ADARB2: variants seen among roughly 807,000 people sequenced by gnomAD.
The protein encoded by ADARB2 is adenosine deaminase RNA specific B2 (inactive), also known as inactive double-stranded RNA-specific editase B2.
A neutral mutation model predicts 62.2 loss-of-function variants in ADARB2; 25 were observed. That is an observed-to-expected ratio of 0.40 (90% CI 0.29 to 0.56). ADARB2 has a LOEUF of 0.56. ADARB2 is among the 20% of genes least tolerant of loss of function. The pLI is 0.43. For synonymous variants in ADARB2, 572 were observed against 500.8 expected (o/e 1.14, Z -1.90); for missense variants, 1,071 against 1,077.4 (o/e 0.99, Z 0.08).
chr10:1,347,982 A>G (rs1470576047), intron 3 of ADARB2, among the ~76,000 whole-genome samples: 1 of 151,964 alleles, frequency 6.6e-6, no homozygotes, highest in Non-Finnish European at 1.5e-5. Flanking sequence ...ACGGAGACAG[A>G]GAGATACTGA....
At chr10:1,706,232 G>T (rs1424078495) in intron 1 of ADARB2, among the ~76,000 whole-genome samples, 1 of 152,206 alleles carries the variant, frequency 6.6e-6, no homozygotes, top group Non-Finnish European at 1.5e-5. Context: ...CTCCTGAGTA[G>T]AGCTTGACTA....
At chr10:1,614,741 C>T (rs1481628502) in intron 1 of ADARB2, among the ~76,000 whole-genome samples, 1 of 152,186 alleles carries the variant, frequency 6.6e-6, no homozygotes, top group African/African-American at 2.4e-5. Flanking sequence ...GAAACCCCGT[C>T]TCTACTAAAG....
At chr10:1,411,174 C>T (rs941928177) in intron 1 of ADARB2, among the ~76,000 whole-genome samples, 7 of 152,106 alleles carry the variant, frequency 4.6e-5, no homozygotes, top group African/African-American at 1.7e-4. Context: ...GAGATGCCTC[C>T]CCAGCCTCCG....
chr10:1,572,122 GGCAGGTGAGTGT>G (rs1220479428), intron 1 of ADARB2, among the ~76,000 whole-genome samples: 3 of 132,732 alleles, frequency 2.3e-5, no homozygotes, highest in Non-Finnish European at 4.8e-5. Flanking sequence ...CAGGTGAGTA[GGCAGGTGAGTGT>G]GCAGGTGAGT....
intron 1 of ADARB2, among the ~76,000 whole-genome samples, chr10:1,582,268 G>A (rs1310022869): frequency 2.0e-5 from 3 of 152,140 alleles, no homozygotes; most frequent in Admixed American, 6.5e-5. Flanking sequence ...GTGACCCTGC[G>A]TTACCTGCTG....
chr10:1,331,601 C>A (rs1831928273), intron 3 of ADARB2, among the ~76,000 whole-genome samples: 1 of 152,154 alleles, frequency 6.6e-6, no homozygotes, highest in South Asian at 2.1e-4. Flanking sequence ...AAAATGCTAA[C>A]AGGTTTGTTG....
chr10:1,487,386 G>T (rs1207179775), intron 1 of ADARB2, among the ~76,000 whole-genome samples: 1 of 152,194 alleles, frequency 6.6e-6, no homozygotes, highest in Non-Finnish European at 1.5e-5. Context: ...ACAGAATTTG[G>T]CAAGATAAGC....
At chr10:1,632,892 G>A (rs1286520608) in intron 1 of ADARB2, among the ~76,000 whole-genome samples, 1 of 152,208 alleles carries the variant, frequency 6.6e-6, no homozygotes, top group Non-Finnish European at 1.5e-5. Flanking sequence ...CTGGGAGGAT[G>A]TTTCTGGAAG....
intron 1 of ADARB2, among the ~76,000 whole-genome samples, chr10:1,512,064 C>T (rs542624464): frequency 6.6e-6 from 1 of 152,028 alleles, no homozygotes; most frequent in Non-Finnish European, 1.5e-5. Flanking sequence ...ATGCTGTCTA[C>T]ACTGTATACC....
chr10:1,404,425 G>T (rs1832689205), intron 1 of ADARB2, among the ~76,000 whole-genome samples: 1 of 152,240 alleles, frequency 6.6e-6, no homozygotes, highest in African/African-American at 2.4e-5. Flanking sequence ...CTGCCCATTT[G>T]CCGGCTGCCA....
chr10:1,489,968 G>C (rs1368715437), intron 1 of ADARB2, among the ~76,000 whole-genome samples: 2 of 152,218 alleles, frequency 1.3e-5, no homozygotes, highest in African/African-American at 4.8e-5. Context: ...TAGGCAAGCT[G>C]CTGCTACAGG....
chr10:1,301,931 C>T (rs988274375), intron 3 of ADARB2, among the ~76,000 whole-genome samples: 6 of 152,210 alleles, frequency 3.9e-5, no homozygotes, highest in African/African-American at 7.2e-5. Flanking sequence ...TCACTACCAC[C>T]TGGAGCCCAC....
At chr10:1,595,651 G>A (rs1218337251) in intron 1 of ADARB2, among the ~76,000 whole-genome samples, 1 of 152,194 alleles carries the variant, frequency 6.6e-6, no homozygotes, top group African/African-American at 2.4e-5. Context: ...GGCACTGCTT[G>A]TTCTGCACAG....
chr10:1,636,423 A>G (rs1833917930), intron 1 of ADARB2, among the ~76,000 whole-genome samples: 2 of 152,140 alleles, frequency 1.3e-5, no homozygotes, highest in Non-Finnish European at 2.9e-5. Context: ...AGGCTGAGGC[A>G]GGAGGATTGT....
At chr10:1,324,687 T>C (rs963686813) in intron 3 of ADARB2, among the ~76,000 whole-genome samples, 1 of 152,136 alleles carries the variant, frequency 6.6e-6, no homozygotes, top group Non-Finnish European at 1.5e-5. Flanking sequence ...ATCAACATTA[T>C]AGAAATGGAG....
intron 3 of ADARB2, among the ~76,000 whole-genome samples, chr10:1,303,530 C>T (rs1831595314): frequency 2.0e-5 from 3 of 151,994 alleles, no homozygotes; most frequent in African/African-American, 7.2e-5. Flanking sequence ...ACAGAGAATG[C>T]CACAAAGATA....
chr10:1,357,712 A>C (rs1401810447), intron 3 of ADARB2, among the ~76,000 whole-genome samples: 1 of 152,220 alleles, frequency 6.6e-6, no homozygotes, highest in Non-Finnish European at 1.5e-5. Flanking sequence ...TGGTGTGGGC[A>C]TAAGTATCTT....
chr10:1,225,653 T>C (rs1830738257), intron 6 of ADARB2, among the ~76,000 whole-genome samples: 1 of 151,084 alleles, frequency 6.6e-6, no homozygotes, highest in African/African-American at 2.4e-5. Context: ...AAGTATTTTA[T>C]TTCTCCTTCA....
intron 1 of ADARB2, among the ~76,000 whole-genome samples, chr10:1,578,486 G>A (rs1387841652): frequency 6.6e-6 from 1 of 152,214 alleles, no homozygotes; most frequent in Non-Finnish European, 1.5e-5. Flanking sequence ...GCAGTAGTGA[G>A]CTGGGAGCTG....
Sources: allele counts gnomAD v4.1 joint callset (sites outside exome capture counted in the v4.1 genomes callset), GRCh38; gene constraint gnomAD v4.1.1; transcripts MANE v1.5; gene names NCBI Gene and HGNC (gene_info 2026-07-23, HGNC 2026-07-21).